The following H2AC1 variants were observed in gnomAD, a reference collection of about 807,000 sequenced individuals.
H2AC1 encodes histone H2A type 1-A.
For synonymous variants in H2AC1, 145 were observed against 70.0 expected, an observed-to-expected ratio of 2.07 and a Z score of -5.35; for missense variants, 218 against 173.8, an observed-to-expected ratio of 1.25 and a Z score of -1.43.
rs377299061 is a variant in H2AC1, at chr6:25,726,534, G to T, written c.-7C>A. 3 of 1,600,432 alleles carry T rather than the reference G, an allele frequency of 1.9e-6. No individual in the cohort carries two copies. The highest frequency in any genetic ancestry group is 2.6e-6 in the Non-Finnish European group (3 of 1,170,814). On this transcript the variant is annotated 5_prime_UTR_variant, in exon 1 of 1. Transcript: ENST00000297012. ...GCTTCCCTCGTCCAGACATCTCCTC[G>T]CATCAAATTGCAGCAACACGAGAAC...
chr6:25,726,164 C>CAA lies in H2AC1; in HGVS notation c.363_364insTT (p.Glu122LeufsTer?). The CAA allele has an allele frequency of 6.4e-7, 1 of 1,570,828 alleles. No individual in the cohort carries two copies. Among genetic ancestry groups the CAA allele is most frequent in the Non-Finnish European group, 8.6e-7 (1 of 1,156,408 alleles). ...CTTTGGGCTTTATGGTGGTGACTCT[C>CAA]AGTCTTCTTGGGCAGCAGCACTGCC... On this transcript the variant is annotated frameshift_variant, in exon 1 of 1. Transcript: ENST00000297012. LOFTEE classifies it high-confidence loss of function.
At position 25,726,160 on chromosome 6, in the gene H2AC1, C is replaced by G; in HGVS notation, c.368G>C (p.Ser123Thr). The G allele has an allele frequency of 6.4e-7, 1 of 1,567,986 alleles. No individual in the cohort carries two copies. Among genetic ancestry groups the G allele is most frequent in the Non-Finnish European group, 8.7e-7 (1 of 1,154,870 alleles). The change falls in exon 1 of 1, where the codon AGT becomes ACT. Residue 123 changes from serine to threonine, a missense_variant. Transcript: ENST00000297012. ...QAVLLPKKTE[S>T]HHHKAQSK ...CTTGCTTTGGGCTTTATGGTGGTGA[C>G]TCTCAGTCTTCTTGGGCAGCAGCAC...
In H2AC1 at chr6:25,726,318, C is replaced by G. The variant is rs187505332; in HGVS notation, c.210G>C (p.Ala70=). The G allele has an allele frequency of 6.2e-7, 1 of 1,614,098 alleles. No individual in the cohort carries two copies. The highest frequency in any genetic ancestry group is 2.2e-5 in the East Asian group (1 of 44,878). Residue 70 remains alanine (A), a synonymous_variant, in exon 1 of 1, where the codon GCG becomes GCC. Coordinates refer to ENST00000297012, the MANE Select transcript of H2AC1 (RefSeq NM_170745.3). ...TGCGAGTTTTTTTGTTATCGCGAGA[C>G]GCATTGCCTGCCAGCTCAAGGATTT... is the stretch of plus-strand genomic sequence containing the variant. ...TAEILELAGN[A]SRDNKKTRII...
rs1348823569 is a variant in H2AC1 at position 25,726,299 on chromosome 6, T to C, written c.229A>G (p.Thr77Ala). 2 of 1,613,756 alleles carry C rather than the reference T, an allele frequency of 1.2e-6. No homozygotes were observed. The highest frequency in any genetic ancestry group is 1.3e-5 in the African/African-American group (1 of 74,992). Residue 77 changes from threonine to alanine, a missense_variant, in exon 1 of 1, where the codon ACT (threonine) becomes GCT (alanine). Thr to Ala is a moderately conservative substitution (Grantham distance 58). Transcript: ENST00000297012. Reference sequence around the variant, plus strand: ...TGCAGGTGGCGGGGAATAATGCGAGTTTTTTTGTTATCGCGAGACGCATTG... The same window carrying C: ...TGCAGGTGGCGGGGAATAATGCGAGCTTTTTTGTTATCGCGAGACGCATTG... Reference protein sequence around the residue: ...AGNASRDNKKTRIIPRHLQLA... With the variant: ...AGNASRDNKKARIIPRHLQLA...
In H2AC1 at chr6:25,726,069, G is replaced by T; in HGVS notation, c.*63C>A. On this transcript the variant is annotated 3_prime_UTR_variant, in exon 1 of 1. Coordinates refer to ENST00000297012, the MANE Select transcript of H2AC1 (RefSeq NM_170745.3). ...CAGCCTTTTTCTGAGACGGTAGGTG[G>T]CTCTGAAAAGAGCCTTTTGTTTTTT... 7.1e-7 allele frequency: 1 copy of T among 1,406,216 alleles called. No individual in the cohort carries two copies. Among genetic ancestry groups the T allele is most frequent in the Non-Finnish European group, 9.6e-7 (1 of 1,040,088 alleles). The allele number at this position is 1,406,216 out of a possible 1,614,324, so 87.1% of individuals were successfully genotyped here. A position where few individuals can be genotyped will look rare whatever the true frequency, so the allele number is the denominator to read the frequency against.
Position 25,726,088 on chromosome 6 carries a change from G to A in H2AC1, c.*44C>T, listed in dbSNP as rs375561515. The A allele has an allele frequency of 1.9e-5, 28 of 1,478,552 alleles. 1 individual carries two copies. In the East Asian group the frequency reaches 3.4e-4, roughly 18 times the overall value. The allele number at this position is 1,478,552 out of a possible 1,614,324, so 91.6% of individuals were successfully genotyped here. The stretch of plus-strand genomic sequence containing the variant: ...TAGGTGGCTCTGAAAAGAGCCTTTT[G>A]TTTTTTCTGACACAGAAGTCTTTTT... On this transcript the variant is annotated 3_prime_UTR_variant, in exon 1 of 1. Transcript: ENST00000297012.
Position 25,726,232 on chromosome 6 carries a change from C to G in H2AC1, c.296G>C (p.Gly99Ala), listed in dbSNP as rs1313150657. The stretch of plus-strand genomic sequence containing the variant: ...TCCGCCCTGGGCAATGGTCACGCCG[C>G]CCAAAAGCTTATTGAGTTCCTCATC... ...RNDEELNKLL[G>A]GVTIAQGGVL... Residue 99 changes from glycine to alanine, a missense_variant, in exon 1 of 1, where the codon GGC becomes GCC. Physicochemically the swap from Gly to Ala is moderately conservative, Grantham distance 60 (BLOSUM62 0). Coordinates refer to ENST00000297012, the MANE Select transcript of H2AC1 (RefSeq NM_170745.3). 6.2e-7 allele frequency: 1 copy of G among 1,613,474 alleles called. No homozygotes were observed. The highest frequency in any genetic ancestry group is 8.5e-7 in the Non-Finnish European group (1 of 1,179,504).
In H2AC1 at chr6:25,726,110, T is replaced by C. The variant is rs750864746; in HGVS notation, c.*22A>G. ...TTTGTTTTTTCTGACACAGAAGTCT[T>C]TTTACCAATGACAACCTTAAGTTAC... On this transcript the variant is annotated 3_prime_UTR_variant, in exon 1 of 1. Transcript: ENST00000297012. 2.0e-6 allele frequency: 3 copies of C among 1,505,208 alleles called. No individual in the cohort carries two copies. The highest frequency in any genetic ancestry group is 2.8e-5 in the South Asian group (2 of 71,464). 93.2% of individuals were successfully genotyped at this position (1,505,208 alleles called of 1,614,324 possible). A position where few individuals can be genotyped will look rare whatever the true frequency, so the allele number is the denominator to read the frequency against.
At position 25,726,101 on chromosome 6, in the gene H2AC1, C is replaced by CTT. The variant is rs112943240; in HGVS notation, c.*30_*31insAA. The CTT allele has an allele frequency of 0.3, 447,060 of 1,499,292 alleles. 73,937 individuals are homozygous for CTT. Among genetic ancestry groups the CTT allele is most frequent in the East Asian group, 0.71 (31,228 of 43,822 alleles). The allele number at this position is 1,499,292 out of a possible 1,614,324, so 92.9% of individuals were successfully genotyped here. A position where few individuals can be genotyped will look rare whatever the true frequency, so the allele number is the denominator to read the frequency against. On this transcript the variant is annotated 3_prime_UTR_variant, in exon 1 of 1. Transcript: ENST00000297012. ...AAAGAGCCTTTTGTTTTTTCTGACA[C>CTT]AGAAGTCTTTTTACCAATGACAACC...
Position 25,726,460 on chromosome 6 carries a change from C to G in H2AC1, c.68G>C (p.Gly23Ala). Residue 23 changes from glycine to alanine, a missense_variant, in exon 1 of 1, where the codon GGT becomes GCT. Gly to Ala is a moderately conservative substitution (Grantham distance 60). Coordinates refer to ENST00000297012, the MANE Select transcript of H2AC1 (RefSeq NM_170745.3). ...AKSKSRSSRA[G>A]LQFPVGRIHR... Reference sequence around the variant, plus strand: ...GATCCGGCCTACGGGAAACTGCAAACCCGCTCTAGAAGAGCGAGACTTAGA... The same window carrying G: ...GATCCGGCCTACGGGAAACTGCAAAGCCGCTCTAGAAGAGCGAGACTTAGA... 1.2e-6 allele frequency: 2 copies of G among 1,613,986 alleles called. No homozygotes were observed. The highest frequency in any genetic ancestry group is 1.7e-6 in the Non-Finnish European group (2 of 1,180,030).
rs112943240 is a variant in H2AC1, at chr6:25,726,101, C to CTTA, written c.*30_*31insTAA. On this transcript the variant is annotated 3_prime_UTR_variant, in exon 1 of 1. Coordinates refer to ENST00000297012, the MANE Select transcript of H2AC1 (RefSeq NM_170745.3). The stretch of plus-strand genomic sequence containing the variant: ...AAAGAGCCTTTTGTTTTTTCTGACA[C>CTTA]AGAAGTCTTTTTACCAATGACAACC... 3 of 1,501,574 alleles carry CTTA rather than the reference C, an allele frequency of 2.0e-6. No individual in the cohort carries two copies. Among genetic ancestry groups the CTTA allele is most frequent in the Non-Finnish European group, 2.7e-6 (3 of 1,123,898 alleles). The allele number at this position is 1,501,574 out of a possible 1,614,324, so 93.0% of individuals were successfully genotyped here. A position where few individuals can be genotyped will look rare whatever the true frequency, so the allele number is the denominator to read the frequency against.
rs759104722 is a variant in H2AC1 at position 25,726,392 on chromosome 6, C to T, written c.136G>A (p.Ala46Thr). 3 of 1,614,164 alleles carry T rather than the reference C, an allele frequency of 1.9e-6. No homozygotes were observed. Among genetic ancestry groups the T allele is most frequent in the East Asian group, 2.2e-5 (1 of 44,882 alleles). The change falls in exon 1 of 1, where the codon GCA becomes ACA. Residue 46 changes from alanine to threonine, a missense_variant. Transcript: ENST00000297012. Reference protein sequence around the residue: ...RKGNYAERIGAGAPVYLAAVL... With the variant: ...RKGNYAERIGTGAPVYLAAVL... ...GCCGCCAAATACACTGGTGCGCCTG[C>T]CCCTATCCGCTCTGCATAGTTTCCC...
rs150006012 is a variant in H2AC1, at chr6:25,726,179, G to A, written c.349C>T (p.Leu117=). Reference sequence around the variant, plus strand: ...TGGTGACTCTCAGTCTTCTTGGGCAGCAGCACTGCCTGAATGTTAGGCAGG... The same window carrying A: ...TGGTGACTCTCAGTCTTCTTGGGCAACAGCACTGCCTGAATGTTAGGCAGG... ...GVLPNIQAVL[L]PKKTESHHHK... Residue 117 remains leucine (L), a synonymous_variant, in exon 1 of 1, where the codon CTG becomes TTG. Coordinates refer to ENST00000297012, the MANE Select transcript of H2AC1 (RefSeq NM_170745.3). The A allele has an allele frequency of 1.3e-6, 2 of 1,587,816 alleles. No homozygotes were observed. Among genetic ancestry groups the A allele is most frequent in the Non-Finnish European group, 1.7e-6 (2 of 1,164,338 alleles).
rs201123040 is a variant in H2AC1 at position 25,726,551 on chromosome 6, C to T, written c.-24G>A. On this transcript the variant is annotated 5_prime_UTR_variant, in exon 1 of 1. Transcript: ENST00000297012. ...ATCTCCTCGCATCAAATTGCAGCAA[C>T]ACGAGAACCACATTTCTAGGGCTGC... The T allele has an allele frequency of 1.5e-5, 24 of 1,589,680 alleles. No individual in the cohort carries two copies. Among genetic ancestry groups the T allele is most frequent in the African/African-American group, 1.2e-4 (9 of 74,450 alleles).
chr6:25,726,084 T>C lies in H2AC1; in HGVS notation c.*48A>G. The C allele has an allele frequency of 6.8e-7, 1 of 1,475,166 alleles. No homozygotes were observed. Among genetic ancestry groups the C allele is most frequent in the African/African-American group, 1.4e-5 (1 of 70,586 alleles). The allele number at this position is 1,475,166 out of a possible 1,614,324, so 91.4% of individuals were successfully genotyped here. On this transcript the variant is annotated 3_prime_UTR_variant, in exon 1 of 1. Coordinates refer to ENST00000297012, the MANE Select transcript of H2AC1 (RefSeq NM_170745.3). ...ACGGTAGGTGGCTCTGAAAAGAGCC[T>C]TTTGTTTTTTCTGACACAGAAGTCT... is the stretch of plus-strand genomic sequence containing the variant.
rs1475711901 is a variant in H2AC1, at chr6:25,726,265, A to G, written c.263T>C (p.Ile88Thr). 1 of 1,614,048 alleles carries G rather than the reference A, an allele frequency of 6.2e-7. No individual in the cohort carries two copies. Among genetic ancestry groups the G allele is most frequent in the South Asian group, 1.1e-5 (1 of 91,068 alleles). ...RIIPRHLQLA[I>T]RNDEELNKLL... ...CTTATTGAGTTCCTCATCATTGCGG[A>G]TCGCTAGCTGCAGGTGGCGGGGAAT... is the stretch of plus-strand genomic sequence containing the variant. The change falls in exon 1 of 1, where the codon ATC (isoleucine) becomes ACC (threonine). Residue 88 changes from isoleucine to threonine, a missense_variant. Coordinates refer to ENST00000297012, the MANE Select transcript of H2AC1 (RefSeq NM_170745.3).
In H2AC1 at chr6:25,726,290, T is replaced by A; in HGVS notation, c.238A>T (p.Ile80Phe). ...ATCGCTAGCTGCAGGTGGCGGGGAA[T>A]AATGCGAGTTTTTTTGTTATCGCGA... ...ASRDNKKTRIIPRHLQLAIRN... is the reference protein window; with the variant it reads ...ASRDNKKTRIFPRHLQLAIRN... Residue 80 changes from isoleucine to phenylalanine, a missense_variant, in exon 1 of 1, where the codon ATT becomes TTT. Coordinates refer to ENST00000297012, the MANE Select transcript of H2AC1 (RefSeq NM_170745.3). 1 of 1,614,064 alleles carries A rather than the reference T, an allele frequency of 6.2e-7. No individual in the cohort carries two copies. The highest frequency in any genetic ancestry group is 8.5e-7 in the Non-Finnish European group (1 of 1,179,966).
At position 25,726,519 on chromosome 6, in the gene H2AC1, T is replaced by C. The variant is rs550375813; in HGVS notation, c.9A>G (p.Gly3=). 4 of 1,607,876 alleles carry C rather than the reference T, an allele frequency of 2.5e-6. No homozygotes were observed. Among genetic ancestry groups the C allele is most frequent in the African/African-American group, 2.7e-5 (2 of 74,880 alleles). MS[G]RGKQGGKARA... is the part of the protein sequence containing the mutation. ...GTGCTTTTCCTCCCTGCTTCCCTCG[T>C]CCAGACATCTCCTCGCATCAAATTG... Residue 3 remains glycine, a synonymous_variant, in exon 1 of 1, where the codon GGA becomes GGG. Transcript: ENST00000297012.
At position 25,726,113 on chromosome 6, in the gene H2AC1, T is replaced by G. The variant is rs757976662; in HGVS notation, c.*19A>C. On this transcript the variant is annotated 3_prime_UTR_variant, in exon 1 of 1. Transcript: ENST00000297012. ...GTTTTTTCTGACACAGAAGTCTTTT[T>G]ACCAATGACAACCTTAAGTTACTTG... 1.3e-6 allele frequency: 2 copies of G among 1,506,270 alleles called. No homozygotes were observed. The highest frequency in any genetic ancestry group is 2.3e-5 in the Admixed American group (1 of 44,136). 93.3% of individuals were successfully genotyped at this position (1,506,270 alleles called of 1,614,324 possible). A position where few individuals can be genotyped will look rare whatever the true frequency, so the allele number is the denominator to read the frequency against.
Sources: allele counts gnomAD v4.1 joint callset, GRCh38; gene constraint gnomAD v4.1.1; transcripts MANE v1.5; gene names NCBI Gene and HGNC (gene_info 2026-07-23, HGNC 2026-07-21).